Variants in PID1 observed in about 807,000 individuals in gnomAD.
PID1 encodes the protein phosphotyrosine interaction domain containing 1.
PID1 carries 10 observed loss-of-function variants against 19.1 expected under a neutral mutation model. The observed-to-expected ratio is 0.52, with a 90% CI of 0.32 to 0.89. The LOEUF (loss-of-function observed/expected upper bound fraction) is 0.89. Among genes scored for constraint, PID1 ranks in the 40% least tolerant of loss-of-function variants. The probability of loss-of-function intolerance (pLI) is 0.03; values close to 1 mark genes in which losing one functional copy is unlikely to be tolerated. For synonymous variants in PID1, 130 were observed against 116.0 expected (o/e 1.12, Z -0.78); for missense variants, 248 against 285.3 (o/e 0.87, Z 0.94).
intron 1 of PID1, among the ~76,000 whole-genome samples, chr2:229,180,003 G>C: frequency 6.6e-6 from 1 of 152,156 alleles, no homozygotes; most frequent in Non-Finnish European, 1.5e-5. Context: ...CAACACAAGA[G>C]CCAAGTCAAA....
intron 2 of PID1, among the ~76,000 whole-genome samples, chr2:229,039,537 A>T (rs1390778339): frequency 6.6e-6 from 1 of 152,216 alleles, no homozygotes; most frequent in East Asian, 1.9e-4. Context: ...TAGAACAAAA[A>T]TATTTGATAT....
chr2:229,209,555 C>T (rs896381629), intron 1 of PID1, among the ~76,000 whole-genome samples: 5 of 152,284 alleles, frequency 3.3e-5, no homozygotes, highest in African/African-American at 1.2e-4. Context: ...TGAATCACCA[C>T]ATGGAAGACA....
chr2:229,036,898 C>T (rs1481918371), intron 2 of PID1, among the ~76,000 whole-genome samples: 1 of 152,248 alleles, frequency 6.6e-6, no homozygotes, highest in Non-Finnish European at 1.5e-5. Flanking sequence ...GTTAACCTGC[C>T]TGACCACGAA....
At chr2:229,161,235 C>T (rs1192680798) in intron 1 of PID1, among the ~76,000 whole-genome samples, 3 of 152,072 alleles carry the variant, frequency 2.0e-5, no homozygotes, top group Non-Finnish European at 4.4e-5. Context: ...GGCCTCCTTC[C>T]CAATCGAAGT....
chr2:229,261,494 T>C (rs1416274741), intron 1 of PID1, among the ~76,000 whole-genome samples: 1 of 152,160 alleles, frequency 6.6e-6, no homozygotes, highest in Admixed American at 6.5e-5. Context: ...TGAGGAAAAG[T>C]AGGCCCATTC....
rs1262503709 is a variant in PID1 at position 229,025,984 on chromosome 2, G to T, written c.302C>A (p.Ala101Asp). The stretch of plus-strand genomic sequence containing the variant: ...TTGGAATGGCCGGATTTCCAGGAGG[G>T]CATTGGCCGGAAAGACATCCTCTCG... Reference protein sequence around the residue: ...LAREDVFPANALLEIRPFQVW... With the variant: ...LAREDVFPANDLLEIRPFQVW... Residue 101 changes from alanine (A) to aspartate (D), a missense_variant, in exon 3 of 3, where the codon GCC becomes GAC. By Grantham distance (126) the Ala-to-Asp change is moderately radical. Transcript: ENST00000392055. The T allele has an allele frequency of 6.2e-7, 1 of 1,614,188 alleles. No individual in the cohort carries two copies. Among genetic ancestry groups the T allele is most frequent in the Non-Finnish European group, 8.5e-7 (1 of 1,180,008 alleles).
intron 1 of PID1, among the ~76,000 whole-genome samples, chr2:229,196,700 C>A (rs547504485): frequency 6.6e-6 from 1 of 152,024 alleles, no homozygotes; most frequent in East Asian, 1.9e-4. Flanking sequence ...TGGCTTAAAA[C>A]CCCAGCTCCA....
chr2:229,204,526 A>G (rs1691565297), intron 1 of PID1, among the ~76,000 whole-genome samples: 2 of 152,148 alleles, frequency 1.3e-5, no homozygotes, highest in South Asian at 4.1e-4. Context: ...GATCCCTGCA[A>G]GGCCATCTGT....
chr2:229,028,498 C>A (rs186839266), intron 2 of PID1, among the ~76,000 whole-genome samples: 1 of 152,156 alleles, frequency 6.6e-6, no homozygotes, highest in East Asian at 1.9e-4. Flanking sequence ...GGCAGCCCAT[C>A]CAATGGGAGA....
rs143477115 is a variant in PID1, at chr2:229,025,930, C to T, written c.356G>A (p.Gly119Glu). 5 of 1,614,038 alleles carry T rather than the reference C, an allele frequency of 3.1e-6. No homozygotes were observed. The highest frequency in any genetic ancestry group is 4.2e-6 in the Non-Finnish European group (5 of 1,179,984). Residue 119 changes from glycine (G) to glutamate (E), a missense_variant, in exon 3 of 3, where the codon GGG becomes GAG. Coordinates refer to ENST00000392055, the MANE Select transcript of PID1 (RefSeq NM_001100818.2). ...QVWLHHLDHK[G>E]EATVHMDTFQ... ...GGTATCCATGTGCACTGTGGCCTCC[C>T]CTTTGTGGTCGAGATGATGGAGCCA... is the stretch of plus-strand genomic sequence containing the variant.
rs76281950 is a variant in PID1 at position 229,255,769 on chromosome 2, C to T, written c.30+15245G>A. 2.0e-5 allele frequency among the ~76,000 whole-genome samples: 3 copies of T among 152,248 alleles called. No homozygotes were observed. The East Asian group carries it at 5.8e-4, about 29-fold the overall frequency. On this transcript the variant is annotated intron_variant, in intron 1 of 2. Transcript: ENST00000392055. ...CTCCCACTTGTGCCTGGAACCCCTC[C>T]CAGATGCTCTGGATTAGAAAATAGG...
At chr2:229,126,965 G>A (rs1360752421) in intron 2 of PID1, among the ~76,000 whole-genome samples, 1 of 152,208 alleles carries the variant, frequency 6.6e-6, no homozygotes, top group Non-Finnish European at 1.5e-5. Flanking sequence ...AAGAACCAAG[G>A]CTTCTCCCAG....
intron 2 of PID1, among the ~76,000 whole-genome samples, chr2:229,069,738 A>C (rs1031449946): frequency 1.1e-4 from 17 of 152,354 alleles, no homozygotes; most frequent in African/African-American, 3.6e-4. Flanking sequence ...ATGTACAAAC[A>C]GGTGTCATCC....
At chr2:229,141,109 C>A (rs1690002671) in intron 2 of PID1, among the ~76,000 whole-genome samples, 1 of 151,998 alleles carries the variant, frequency 6.6e-6, no homozygotes, top group Admixed American at 6.6e-5. Flanking sequence ...CAGAAGATGA[C>A]CCTTGCTATG....
chr2:229,203,367 T>C (rs1194835363), intron 1 of PID1, among the ~76,000 whole-genome samples: 1 of 152,116 alleles, frequency 6.6e-6, no homozygotes, highest in East Asian at 1.9e-4. Flanking sequence ...ATGTCATCAA[T>C]AGGCTCTTGA....
chr2:229,160,860 A>G (rs1387276763), intron 1 of PID1, among the ~76,000 whole-genome samples: 1 of 152,202 alleles, frequency 6.6e-6, no homozygotes, highest in East Asian at 1.9e-4. Flanking sequence ...CTATGGCAAA[A>G]TTAACATTTT....
chr2:229,077,058 C>T (rs1439768238), intron 2 of PID1, among the ~76,000 whole-genome samples: 2 of 152,128 alleles, frequency 1.3e-5, no homozygotes, highest in African/African-American at 4.8e-5. Flanking sequence ...CCAGCATCTG[C>T]TGTTTCCTGA....
chr2:229,204,367 C>G (rs376501828), intron 1 of PID1, among the ~76,000 whole-genome samples: 1 of 152,210 alleles, frequency 6.6e-6, no homozygotes, highest in East Asian at 1.9e-4. Context: ...TCTTAATCCA[C>G]TCTAGTATGA....
intron 1 of PID1, among the ~76,000 whole-genome samples, chr2:229,214,364 C>T (rs190322069): frequency 6.6e-6 from 1 of 152,254 alleles, no homozygotes; most frequent in Non-Finnish European, 1.5e-5. Context: ...GGTATTCTTC[C>T]ACCCTGCCCT....
Sources: gnomAD v4.1 joint callset for allele counts (sites outside exome capture counted in the v4.1 genomes callset) on GRCh38, gnomAD v4.1.1 for gene constraint, MANE v1.5 for transcripts, NCBI Gene and HGNC (gene_info 2026-07-23, HGNC 2026-07-21) for gene names.